The following CACNA1B variants were observed in gnomAD, a reference collection of about 807,000 sequenced individuals.
The protein encoded by CACNA1B is voltage-dependent N-type calcium channel subunit alpha-1B.
CACNA1B carries 70 observed loss-of-function variants against 247.2 expected under a neutral mutation model. The observed-to-expected ratio is 0.28, with a 90% CI of 0.23 to 0.35. CACNA1B has a LOEUF of 0.35. Ranked by LOEUF, CACNA1B falls within the 10% of genes least tolerant of loss-of-function variation. The pLI, the probability that CACNA1B is intolerant of heterozygous loss-of-function variation, is 1.00. For synonymous variants in CACNA1B, 1,231 were observed against 1,294.4 expected, an observed-to-expected ratio of 0.95 and a Z score of 1.05; for missense variants, 2,367 against 3,197.4, an observed-to-expected ratio of 0.74 and a Z score of 6.26.
intron 31 of CACNA1B, among the ~76,000 whole-genome samples, chr9:138,066,970 A>G (rs988454213): frequency 2.0e-5 from 3 of 152,208 alleles, no homozygotes; most frequent in African/African-American, 7.2e-5. Flanking sequence ...AAATTGACAC[A>G]CTTCTGGCAA....
rs748415240 is a variant in CACNA1B, at chr9:138,043,857, A to G, written c.3370A>G (p.Ile1124Val). ...DDVMRSGPRP[I>V]VPYSSMFCLS... The stretch of plus-strand genomic sequence containing the variant: ...CGTGATGAGGAGCGGCCCCCGGCCT[A>G]TCGTCCCATACAGCTCCATGTTCTG... Residue 1124 changes from isoleucine to valine, a missense_variant, in exon 21 of 47, where the codon ATC becomes GTC. By Grantham distance (29) the Ile-to-Val change is conservative. Coordinates refer to ENST00000371372, the MANE Select transcript of CACNA1B (RefSeq NM_000718.4). The G allele has an allele frequency of 1.1e-5, 17 of 1,613,958 alleles. No homozygotes were observed. Among genetic ancestry groups the G allele is most frequent in the East Asian group, 8.9e-5 (4 of 44,866 alleles).
At chr9:137,996,465 G>T (rs1199099192) in intron 15 of CACNA1B, among the ~76,000 whole-genome samples, 1 of 152,162 alleles carries the variant, frequency 6.6e-6, no homozygotes, top group Non-Finnish European at 1.5e-5. Context: ...GAGTTATGAG[G>T]ATGCAAAGGC....
At chr9:138,092,467 G>C (rs1006790355) in intron 36 of CACNA1B, among the ~76,000 whole-genome samples, 2 of 152,210 alleles carry the variant, frequency 1.3e-5, no homozygotes, top group African/African-American at 4.8e-5. Flanking sequence ...CAGGCAGTCG[G>C]ACCTTATAGT....
In CACNA1B at chr9:137,914,433, C is replaced by A. The variant is rs915745217; in HGVS notation, c.623-221C>A. Among the ~76,000 whole-genome samples the A allele has an allele frequency of 6.6e-6, 1 of 152,146 alleles. No individual in the cohort carries two copies. Among genetic ancestry groups the A allele is most frequent in the Non-Finnish European group, 1.5e-5 (1 of 68,034 alleles). On this transcript the variant is annotated intron_variant, in intron 4 of 46. Coordinates refer to ENST00000371372, the MANE Select transcript of CACNA1B (RefSeq NM_000718.4). The surrounding 1 kb of genome is among the most constrained non-coding windows in gnomAD (Gnocchi z 4.3). ...TTCTCAGTCGACTTCTCTCTAGGAC[C>A]TTATGCTTTGTCCCTAGGACTCTCA...
chr9:138,044,929 C>G (rs528101948), intron 21 of CACNA1B, among the ~76,000 whole-genome samples: 1 of 152,288 alleles, frequency 6.6e-6, no homozygotes, highest in East Asian at 1.9e-4. Context: ...AGACGTGGAC[C>G]CTGCCATGTC....
At chr9:137,987,849 G>C (rs1341585229) in intron 15 of CACNA1B, among the ~76,000 whole-genome samples, 1 of 152,196 alleles carries the variant, frequency 6.6e-6, no homozygotes, top group Non-Finnish European at 1.5e-5. Flanking sequence ...TGCTGGGCTG[G>C]AGCCTATGAC....
intron 20 of CACNA1B, among the ~76,000 whole-genome samples, chr9:138,035,129 T>C (rs1241976863): frequency 6.6e-6 from 1 of 152,246 alleles, no homozygotes; most frequent in Non-Finnish European, 1.5e-5. Context: ...CGTCTCATCA[T>C]GTAGGCATTT....
intron 15 of CACNA1B, among the ~76,000 whole-genome samples, chr9:138,004,897 C>A (rs1224698084): frequency 6.6e-6 from 1 of 152,180 alleles, no homozygotes; most frequent in Admixed American, 6.5e-5. Context: ...CTCAACATCA[C>A]TAATCATCAG....
At chr9:138,090,282 G>T (rs569857508) in intron 36 of CACNA1B, among the ~76,000 whole-genome samples, 16 of 152,006 alleles carry the variant, frequency 1.1e-4, no homozygotes, top group Non-Finnish European at 1.8e-4. Flanking sequence ...TTTAACAAAA[G>T]CACCAAGAAC....
chr9:138,043,509 C>T (rs564473101), intron 20 of CACNA1B, among the ~76,000 whole-genome samples: 20 of 152,202 alleles, frequency 1.3e-4, no homozygotes, highest in Admixed American at 6.5e-4. Context: ...TCCACAGCCA[C>T]GGGTGCTGGG....
chr9:138,022,899 G>T, intron 18 of CACNA1B, 112 bp from the exon 19 acceptor site: 2 of 1,311,754 alleles, frequency 1.5e-6, no homozygotes, highest in Non-Finnish European at 2.0e-6. Flanking sequence ...CCGCGGCCAC[G>T]CCTCCCACCT....
intron 3 of CACNA1B, among the ~76,000 whole-genome samples, chr9:137,900,699 T>C (rs777547490): frequency 6.6e-5 from 10 of 150,624 alleles, no homozygotes; most frequent in Non-Finnish European, 1.0e-4. Flanking sequence ...TTCGTGTCTG[T>C]GCTGTGTGTC....
Position 137,878,224 on chromosome 9 carries a change from TGCCGGGCGGG to T in CACNA1B, c.284+29_284+38del, listed in dbSNP as rs531869178. ...AGCGCATCACCGAGTGGCCATATCC[TGCCGGGCGGG>T]GCCGGGCGGGGCCGGGCGGGGACCG... On this transcript the variant is annotated splice_region_variant and intron_variant, in intron 1 of 46. Transcript: ENST00000371372. 0.047 allele frequency: 26,296 copies of T among 554,342 alleles called. 384 individuals are homozygous for T. The highest frequency in any genetic ancestry group is 0.055 in the Non-Finnish European group (22,835 of 413,538). 34.3% of individuals were successfully genotyped at this position (554,342 alleles called of 1,614,324 possible). A position where few individuals can be genotyped will look rare whatever the true frequency, so the allele number is the denominator to read the frequency against.
chr9:138,059,767 G>A lies in CACNA1B; in HGVS notation c.4668+30G>A. 1 of 1,336,988 alleles carries A rather than the reference G, an allele frequency of 7.5e-7. No homozygotes were observed. The highest frequency in any genetic ancestry group is 1.4e-5 in the African/African-American group (1 of 69,428). The allele number at this position is 1,336,988 out of a possible 1,614,324, so 82.8% of individuals were successfully genotyped here. A position where few individuals can be genotyped will look rare whatever the true frequency, so the allele number is the denominator to read the frequency against. On this transcript the variant is annotated intron_variant, in intron 31 of 46. Coordinates refer to ENST00000371372, the MANE Select transcript of CACNA1B (RefSeq NM_000718.4). This position sits in a 1 kb window ranked among gnomAD's most constrained non-coding sequence, Gnocchi z 4.2. ...GTAGCATTTCTGTCCCTCCTTCAGG[G>A]TCCCCAGGTGGTTTCCTTCTAGAGC... is the stretch of plus-strand genomic sequence containing the variant.
intron 3 of CACNA1B, among the ~76,000 whole-genome samples, chr9:137,909,131 C>A (rs1053461776): frequency 1.3e-5 from 2 of 151,880 alleles, no homozygotes; most frequent in African/African-American, 4.8e-5. Context: ...GCTGGGATTA[C>A]ACGCATGCAC....
At chr9:137,936,751 T>C (rs1957673336) in intron 6 of CACNA1B, among the ~76,000 whole-genome samples, 2 of 152,204 alleles carry the variant, frequency 1.3e-5, no homozygotes, top group Admixed American at 1.3e-4. Context: ...TTTCCCCATT[T>C]CTTGTTTTTA....
chr9:138,112,725 G>A (rs1961685425), intron 40 of CACNA1B, among the ~76,000 whole-genome samples: 1 of 152,230 alleles, frequency 6.6e-6, no homozygotes, highest in African/African-American at 2.4e-5. Context: ...AGCTCCTGGT[G>A]TGTGGAATTT....
rs913697319 is a variant in CACNA1B, at chr9:138,100,041, T to C, written c.5223-2670T>C. Among the ~76,000 whole-genome samples, 3 of 152,242 alleles carry C rather than the reference T, an allele frequency of 2.0e-5. No individual in the cohort carries two copies. The highest frequency in any genetic ancestry group is 2.0e-4 in the Admixed American group (3 of 15,284). On this transcript the variant is annotated intron_variant, in intron 37 of 46. Coordinates refer to ENST00000371372, the MANE Select transcript of CACNA1B (RefSeq NM_000718.4). This position sits in a 1 kb window ranked among gnomAD's most constrained non-coding sequence, Gnocchi z 4.6. The stretch of plus-strand genomic sequence containing the variant: ...AGTGAGACCACATGGTGACTGTAGC[T>C]CAAGGCCAGGGCATTTCTGAGGAAG...
In CACNA1B at chr9:137,904,836, A is replaced by G. The variant is rs148420609; in HGVS notation, c.531-8344A>G. On this transcript the variant is annotated intron_variant, in intron 3 of 46. Transcript: ENST00000371372. ...CTATTTTTTTCCTTATTTCCTATTCATGTCCTACTATGTTGGTGAGAACTC... is the reference window on the plus strand; with the variant it reads ...CTATTTTTTTCCTTATTTCCTATTCGTGTCCTACTATGTTGGTGAGAACTC... Among the ~76,000 whole-genome samples the G allele has an allele frequency of 8.5e-3, 1,297 of 152,074 alleles. 5 individuals are homozygous for G. Among genetic ancestry groups the G allele is most frequent in the Non-Finnish European group, 0.014 (944 of 67,980 alleles).
Sources: allele counts gnomAD v4.1 joint callset (sites outside exome capture counted in the v4.1 genomes callset), GRCh38; gene constraint gnomAD v4.1.1; non-coding constraint Gnocchi (gnomAD v3.1); transcripts MANE v1.5; gene names NCBI Gene and HGNC (gene_info 2026-07-23, HGNC 2026-07-21).